CBFA2T3: variants seen among roughly 807,000 people sequenced by gnomAD.
CBFA2T3 encodes the protein transcriptional corepressor CBFA2T3.
Under a neutral mutation model 58.6 loss-of-function variants are expected in CBFA2T3, and 31 were observed. The ratio of observed to expected loss-of-function variants is 0.53; its 90% CI spans 0.40 to 0.71. CBFA2T3 has a LOEUF of 0.71. Ranked by LOEUF, CBFA2T3 falls within the 30% of genes least tolerant of loss-of-function variation. The pLI, the probability that CBFA2T3 is intolerant of heterozygous loss-of-function variation, is 0.00. For synonymous variants in CBFA2T3, 531 were observed against 421.9 expected, an observed-to-expected ratio of 1.26 and a Z score of -3.17; for missense variants, 1,076 against 963.1, an observed-to-expected ratio of 1.12 and a Z score of -1.55.
chr16:88,918,886 C>A (rs985244630), intron 1 of CBFA2T3, among the ~76,000 whole-genome samples: 1 of 152,206 alleles, frequency 6.6e-6, no homozygotes, highest in African/African-American at 2.4e-5. Context: ...GTAGAGGTTC[C>A]CCTTCAAAGA....
intron 5 of CBFA2T3, among the ~76,000 whole-genome samples, chr16:88,890,755 C>CGACA (rs533097338): frequency 2.1e-3 from 315 of 152,298 alleles, no homozygotes; most frequent in African/African-American, 7.3e-3. Flanking sequence ...GTTGCTCTGT[C>CGACA]GCCCAGGCTG....
At chr16:88,954,532 A>G (rs1435613219) in intron 1 of CBFA2T3, among the ~76,000 whole-genome samples, 10 of 107,860 alleles carry the variant, frequency 9.3e-5, no homozygotes, top group Admixed American at 3.3e-4. Context: ...TCCTGACTCC[A>G]CCCAAGGCTC....
intron 1 of CBFA2T3, among the ~76,000 whole-genome samples, chr16:88,903,304 C>T (rs978717308): frequency 1.3e-5 from 2 of 152,248 alleles, no homozygotes; most frequent in African/African-American, 2.4e-5. Flanking sequence ...TCCTGCCCAA[C>T]ATCTCAGGGC....
chr16:88,971,616 C>T (rs1209198517), intron 1 of CBFA2T3, among the ~76,000 whole-genome samples: 2 of 152,240 alleles, frequency 1.3e-5, no homozygotes, highest in Non-Finnish European at 2.9e-5. Context: ...TTCATTGGCG[C>T]CTGCTGCAGG....
chr16:88,880,909 G>C, intron 9 of CBFA2T3, 121 bp from the exon 10 acceptor site: 3 of 924,340 alleles, frequency 3.2e-6, no homozygotes, highest in Non-Finnish European at 5.0e-6. Flanking sequence ...CCTGGGGGGA[G>C]GCCCAGGTGC....
At chr16:88,879,233 G>A (rs372827873) in intron 11 of CBFA2T3, 37 bp downstream of exon 11, 254 of 1,544,706 alleles carry the variant, frequency 1.6e-4, no homozygotes, top group Non-Finnish European at 2.1e-4. Flanking sequence ...GGGAGCCGAG[G>A]CAGGGGATGG....
intron 1 of CBFA2T3, among the ~76,000 whole-genome samples, chr16:88,931,131 G>A (rs1407936879): frequency 6.6e-6 from 1 of 152,086 alleles, no homozygotes; most frequent in East Asian, 1.9e-4. Context: ...AGTGATGAGT[G>A]GAGCCAGGCT....
chr16:88,896,006 G>A (rs1969873766), intron 3 of CBFA2T3, among the ~76,000 whole-genome samples: 1 of 152,216 alleles, frequency 6.6e-6, no homozygotes, highest in Non-Finnish European at 1.5e-5. Flanking sequence ...CCCAGCCAGA[G>A]TCGCTCAGGC....
At chr16:88,950,171 C>G in intron 1 of CBFA2T3, 1 of 454,916 alleles carries the variant, frequency 2.2e-6, no homozygotes. Flanking sequence ...CCCTGTTCTC[C>G]AGGGCAGGAA....
At position 88,876,091 on chromosome 16, in the gene CBFA2T3, G is replaced by T. The variant is rs1358545464; in HGVS notation, c.*885C>A. The T allele has an allele frequency of 1.3e-5, 3 of 232,820 alleles. No homozygotes were observed. The highest frequency in any genetic ancestry group is 5.6e-5 in the Admixed American group (1 of 17,740). The allele number at this position is 232,820 out of a possible 1,614,324, so 14.4% of individuals were successfully genotyped here. A position where few individuals can be genotyped will look rare whatever the true frequency, so the allele number is the denominator to read the frequency against. ...CAAACCCAAGAGCAAGTGAAACAGT[G>T]AAAAAAATACTTTGGCAGTGACAAA... On this transcript the variant is annotated 3_prime_UTR_variant, in exon 12 of 12. Coordinates refer to ENST00000268679, the MANE Select transcript of CBFA2T3 (RefSeq NM_005187.6).
At chr16:88,966,397 G>A (rs1160982669) in intron 1 of CBFA2T3, among the ~76,000 whole-genome samples, 7 of 151,774 alleles carry the variant, frequency 4.6e-5, no homozygotes, top group Non-Finnish European at 8.8e-5. Flanking sequence ...GGGATCGCGA[G>A]TCCACAGACC....
chr16:88,974,570 C>T lies in CBFA2T3; in HGVS notation c.151+2087G>A, dbSNP rs112253959. Among the ~76,000 whole-genome samples, 682 of 152,324 alleles carry T rather than the reference C, an allele frequency of 4.5e-3. 5 individuals are homozygous for T. Among genetic ancestry groups the T allele is most frequent in the African/African-American group, 0.013 (523 of 41,572 alleles). On this transcript the variant is annotated intron_variant, in intron 1 of 11. Coordinates refer to ENST00000268679, the MANE Select transcript of CBFA2T3 (RefSeq NM_005187.6). ...CGCAGCAACACAGCCCTGCTCAGTACGCCTTTGGTCTAAAGACAGGAAGGT... is the reference window on the plus strand; with the variant it reads ...CGCAGCAACACAGCCCTGCTCAGTATGCCTTTGGTCTAAAGACAGGAAGGT...
intron 1 of CBFA2T3, 151 bp downstream of exon 1, chr16:88,976,506 C>T: frequency 1.6e-6 from 1 of 637,332 alleles, no homozygotes; most frequent in Non-Finnish European, 2.7e-6. Flanking sequence ...TGGGGTGGCC[C>T]TGTTGATATC....
chr16:88,921,910 C>G (rs1597729817), intron 1 of CBFA2T3, among the ~76,000 whole-genome samples: 1 of 152,346 alleles, frequency 6.6e-6, no homozygotes, highest in South Asian at 2.1e-4. Context: ...ACGCCTCACC[C>G]CGTCTCACCC....
At chr16:88,882,235 CAGCCCCA>C (rs1969115251) in intron 8 of CBFA2T3, among the ~76,000 whole-genome samples, 1 of 152,256 alleles carries the variant, frequency 6.6e-6, no homozygotes, top group African/African-American at 2.4e-5. Flanking sequence ...CTGTCTCCAG[CAGCCCCA>C]GGCCCCATGG....
At chr16:88,882,592 A>G (rs4782504) in intron 8 of CBFA2T3, 84 bp downstream of exon 8, 271,309 of 700,872 alleles carry the variant, frequency 0.39, 45,693 homozygotes, top group Non-Finnish European at 0.41. Context: ...CTGTGTGTGC[A>G]TGGCTGTGTG....
chr16:88,942,508 TC>T (rs551603165), intron 1 of CBFA2T3, among the ~76,000 whole-genome samples: 51 of 152,232 alleles, frequency 3.4e-4, no homozygotes, highest in African/African-American at 1.2e-3. Context: ...GCGGGCCTTT[TC>T]CCCCCACCCC....
At chr16:88,902,254 C>T (rs187165116) in intron 1 of CBFA2T3, among the ~76,000 whole-genome samples, 14 of 152,254 alleles carry the variant, frequency 9.2e-5, no homozygotes, top group South Asian at 4.1e-4. Flanking sequence ...CCATTTAGGG[C>T]GGCAAAACCT....
At chr16:88,936,418 G>A (rs113837208) in intron 1 of CBFA2T3, among the ~76,000 whole-genome samples, 1 of 151,948 alleles carries the variant, frequency 6.6e-6, no homozygotes, top group South Asian at 2.1e-4. Context: ...CATCCACCAC[G>A]ACCCCAGCCT....
Sources: gnomAD v4.1 joint callset for allele counts (sites outside exome capture counted in the v4.1 genomes callset) on GRCh38, gnomAD v4.1.1 for gene constraint, MANE v1.5 for transcripts, NCBI Gene and HGNC (gene_info 2026-07-23, HGNC 2026-07-21) for gene names.